The following C12orf54 variants were observed in gnomAD, a reference collection of about 807,000 sequenced individuals.
C12orf54 encodes the protein chromosome 12 open reading frame 54.
Under a neutral mutation model 26.4 loss-of-function variants are expected in C12orf54, and 24 were observed. The ratio of observed to expected loss-of-function variants is 0.91; its 90% CI spans 0.66 to 1.28. C12orf54 has a LOEUF of 1.28. Ranked by LOEUF, C12orf54 falls within the 50% of genes most tolerant of loss-of-function variation. C12orf54 has a pLI of 0.00. For synonymous variants in C12orf54, 54 were observed against 47.0 expected (o/e 1.15, Z -0.61); for missense variants, 154 against 150.9 (o/e 1.02, Z -0.11).
At chr12:48,472,954 G>A in the C12orf54 span, 2 of 1,614,074 alleles carry the variant, frequency 1.2e-6, no homozygotes, top group Non-Finnish European at 1.7e-6. Context: ...AATTTAAGTG[G>A]CAACAAAATT....
At chr12:48,443,584 T>C in the C12orf54 span, among the ~76,000 whole-genome samples, 1 of 152,148 alleles carries the variant, frequency 6.6e-6, no homozygotes, top group Non-Finnish European at 1.5e-5. Context: ...TAAGTGATCA[T>C]GAGAAACTGT....
the C12orf54 span, among the ~76,000 whole-genome samples, chr12:48,424,308 A>T: frequency 1.8e-4 from 27 of 152,094 alleles, no homozygotes; most frequent in Admixed American, 2.6e-4. Flanking sequence ...GGAGTTTTCT[A>T]TTCTTGTATG....
the C12orf54 span, among the ~76,000 whole-genome samples, chr12:48,427,377 C>T: frequency 6.6e-6 from 1 of 152,092 alleles, no homozygotes; most frequent in African/African-American, 2.4e-5. Flanking sequence ...TGATGAATCA[C>T]ATTTATTGAT....
chr12:48,435,475 G>A, the C12orf54 span, among the ~76,000 whole-genome samples: 7 of 152,250 alleles, frequency 4.6e-5, no homozygotes, highest in East Asian at 1.2e-3. Context: ...TCATCAAAGT[G>A]GAAATGAAGG....
chr12:48,422,703 G>C, the C12orf54 span, among the ~76,000 whole-genome samples: 213 of 152,224 alleles, frequency 1.4e-3, 1 homozygote, highest in African/African-American at 4.8e-3. Context: ...TATATGAAGA[G>C]ATTGAGAAAC....
At chr12:48,431,894 A>G in the C12orf54 span, among the ~76,000 whole-genome samples, 1 of 152,170 alleles carries the variant, frequency 6.6e-6, no homozygotes, top group Non-Finnish European at 1.5e-5. Context: ...GGTGGTAGTG[A>G]TGGGTGCAAA....
At chr12:48,433,368 G>T in the C12orf54 span, among the ~76,000 whole-genome samples, 1 of 151,232 alleles carries the variant, frequency 6.6e-6, no homozygotes, top group Non-Finnish European at 1.5e-5. Flanking sequence ...GATCCCTCTG[G>T]TGAGAACTTA....
At chr12:48,452,623 C>A in the C12orf54 span, among the ~76,000 whole-genome samples, 1 of 152,018 alleles carries the variant, frequency 6.6e-6, no homozygotes, top group Non-Finnish European at 1.5e-5. Context: ...GGTCTAGTAT[C>A]CAGCATTTAT....
At chr12:48,449,981 T>C in the C12orf54 span, among the ~76,000 whole-genome samples, 4 of 152,220 alleles carry the variant, frequency 2.6e-5, no homozygotes, top group Admixed American at 2.6e-4. Flanking sequence ...ATTTTTCTCT[T>C]GCCGCTGTCA....
the C12orf54 span, among the ~76,000 whole-genome samples, chr12:48,426,494 G>C: frequency 6.6e-6 from 1 of 152,122 alleles, no homozygotes; most frequent in Admixed American, 6.5e-5. Context: ...TAGCCCTGTA[G>C]TATAGTTTGA....
chr12:48,456,293 AT>A, the C12orf54 span, among the ~76,000 whole-genome samples: 3 of 152,200 alleles, frequency 2.0e-5, no homozygotes, highest in African/African-American at 7.2e-5. Flanking sequence ...GTAATGCAGT[AT>A]AGTAAGTTAT....
the C12orf54 span, among the ~76,000 whole-genome samples, chr12:48,413,877 T>C: frequency 6.6e-6 from 1 of 152,190 alleles, no homozygotes; most frequent in East Asian, 1.9e-4. Context: ...GGCATTTAGC[T>C]AGGAAATCCC....
the C12orf54 span, among the ~76,000 whole-genome samples, chr12:48,460,460 G>A: frequency 0.21 from 29,982 of 145,204 alleles, 3,266 homozygotes; most frequent in South Asian, 0.31. Context: ...CAGGGAGAAG[G>A]AAAATGACAC....
chr12:48,490,755 C>A, intron 5 of C12orf54, 57 bp from the exon 6 acceptor site: 1 of 1,594,416 alleles, frequency 6.3e-7, no homozygotes, highest in Non-Finnish European at 8.6e-7. Context: ...TAATACAGTG[C>A]AGGTCTGCAG....
chr12:48,415,218 A>G, the C12orf54 span, among the ~76,000 whole-genome samples: 3 of 149,958 alleles, frequency 2.0e-5, no homozygotes, highest in African/African-American at 7.6e-5. Context: ...ACTAAAAACA[A>G]ACAAAACCCA....
chr12:48,416,192 A>G, the C12orf54 span, among the ~76,000 whole-genome samples: 2 of 152,184 alleles, frequency 1.3e-5, no homozygotes, highest in African/African-American at 2.4e-5. Flanking sequence ...TTGTCCTTCT[A>G]TAATTAGTGC....
At chr12:48,421,939 G>A in the C12orf54 span, among the ~76,000 whole-genome samples, 2 of 152,270 alleles carry the variant, frequency 1.3e-5, no homozygotes, top group Non-Finnish European at 2.9e-5. Context: ...GTGTTGATAT[G>A]CTAATTTGCC....
At chr12:48,463,770 T>A in the C12orf54 span, among the ~76,000 whole-genome samples, 1 of 152,066 alleles carries the variant, frequency 6.6e-6, no homozygotes, top group Non-Finnish European at 1.5e-5. Context: ...ACAAGGTTGG[T>A]TCAACATATA....
the C12orf54 span, among the ~76,000 whole-genome samples, chr12:48,462,605 C>T: frequency 6.6e-6 from 1 of 151,382 alleles, no homozygotes; most frequent in South Asian, 2.1e-4. Flanking sequence ...ATATTATATA[C>T]CATATTAACA....
Sources: allele counts gnomAD v4.1 joint callset (sites outside exome capture counted in the v4.1 genomes callset), GRCh38; gene constraint gnomAD v4.1.1; transcripts MANE v1.5; gene names NCBI Gene and HGNC (gene_info 2026-07-23, HGNC 2026-07-21).